The following GRID2 variants were observed in gnomAD, a reference collection of about 807,000 sequenced individuals.
GRID2 encodes the protein glutamate ionotropic receptor delta type subunit 2.
GRID2 carries 33 observed loss-of-function variants against 114.8 expected under a neutral mutation model. The observed-to-expected ratio is 0.29, with a 90% CI of 0.22 to 0.38. GRID2 has a LOEUF of 0.38. GRID2 is among the 10% of genes least tolerant of loss of function. The probability of loss-of-function intolerance (pLI) is 1.00; values close to 1 mark genes in which losing one functional copy is unlikely to be tolerated. For missense variants in GRID2, 1,184 were observed against 1,257.7 expected, an observed-to-expected ratio of 0.94 and a Z score of 0.89; for synonymous variants, 505 against 449.9, an observed-to-expected ratio of 1.12 and a Z score of -1.55.
intron 1 of GRID2, among the ~76,000 whole-genome samples, chr4:92,450,379 A>G (rs1720837571): frequency 6.6e-6 from 1 of 152,052 alleles, no homozygotes; most frequent in Non-Finnish European, 1.5e-5. Flanking sequence ...TAGAAATCAA[A>G]TGATAAGACC....
intron 13 of GRID2, among the ~76,000 whole-genome samples, chr4:93,528,582 T>C (rs1731151244): frequency 6.6e-6 from 1 of 152,140 alleles, no homozygotes; most frequent in Non-Finnish European, 1.5e-5. Flanking sequence ...TTCTTCACAT[T>C]ATGCTCCAAT....
At chr4:92,679,184 C>A (rs986576476) in intron 2 of GRID2, among the ~76,000 whole-genome samples, 3 of 151,952 alleles carry the variant, frequency 2.0e-5, no homozygotes, top group Admixed American at 6.6e-5. Context: ...AAATTAAAAT[C>A]GTTGTACTGA....
chr4:92,654,131 G>A (rs1252115958), intron 2 of GRID2, among the ~76,000 whole-genome samples: 2 of 151,928 alleles, frequency 1.3e-5, no homozygotes, highest in East Asian at 3.9e-4. Flanking sequence ...AGACTGTGTG[G>A]CTTAAGCAAC....
At chr4:92,613,873 G>C (rs556596901) in intron 2 of GRID2, among the ~76,000 whole-genome samples, 2 of 150,066 alleles carry the variant, frequency 1.3e-5, no homozygotes, top group East Asian at 3.9e-4. Flanking sequence ...CCTTACTTCT[G>C]TTTAATTTGT....
intron 2 of GRID2, among the ~76,000 whole-genome samples, chr4:92,952,390 T>A (rs1371016832): frequency 1.3e-5 from 2 of 152,216 alleles, no homozygotes. Context: ...TCTATGAGAT[T>A]GCTTTATTCT....
chr4:92,329,491 G>C (rs1476672850), intron 1 of GRID2, among the ~76,000 whole-genome samples: 2 of 151,964 alleles, frequency 1.3e-5, no homozygotes, highest in African/African-American at 4.8e-5. Flanking sequence ...TCATTTGTAA[G>C]ATAAAATTGG....
chr4:92,577,663 T>C (rs1247321143), intron 1 of GRID2, among the ~76,000 whole-genome samples: 2 of 152,114 alleles, frequency 1.3e-5, no homozygotes, highest in African/African-American at 4.8e-5. Context: ...AAATCTCCAG[T>C]TGAAAGGACT....
chr4:92,696,599 A>G (rs1268053475), intron 2 of GRID2, among the ~76,000 whole-genome samples: 5 of 152,152 alleles, frequency 3.3e-5, no homozygotes, highest in Admixed American at 3.3e-4. Flanking sequence ...AAAGTCACCC[A>G]AATTTGAGCC....
intron 2 of GRID2, among the ~76,000 whole-genome samples, chr4:92,801,934 C>A (rs1740191630): frequency 6.6e-6 from 1 of 151,708 alleles, no homozygotes; most frequent in Non-Finnish European, 1.5e-5. Flanking sequence ...CATACCTGGG[C>A]AATCCATCTC....
chr4:93,399,018 C>T (rs561519369), intron 9 of GRID2, among the ~76,000 whole-genome samples: 10 of 151,980 alleles, frequency 6.6e-5, no homozygotes, highest in African/African-American at 2.4e-4. Flanking sequence ...ACCACTCTCC[C>T]CTCACCCCAC....
chr4:92,585,744 G>A (rs12508369), intron 1 of GRID2, among the ~76,000 whole-genome samples: 57,556 of 151,430 alleles, frequency 0.38, 10,945 homozygotes, highest in Middle Eastern at 0.47. Context: ...GGTAAATAAT[G>A]TTTACTCCAC....
chr4:92,514,832 C>T (rs1381839251), intron 1 of GRID2, among the ~76,000 whole-genome samples: 1 of 151,896 alleles, frequency 6.6e-6, no homozygotes, highest in Non-Finnish European at 1.5e-5. Flanking sequence ...GCCTGCCAGA[C>T]TCCTTTGATC....
chr4:93,619,154 A>G (rs1488361712), intron 13 of GRID2, among the ~76,000 whole-genome samples: 2 of 152,248 alleles, frequency 1.3e-5, no homozygotes, highest in African/African-American at 2.4e-5. Context: ...ACAAAATAAC[A>G]GATAAATTAT....
chr4:92,575,393 C>T (rs1727835695), intron 1 of GRID2, among the ~76,000 whole-genome samples: 1 of 152,182 alleles, frequency 6.6e-6, no homozygotes, highest in Non-Finnish European at 1.5e-5. Flanking sequence ...AAAAGGGACA[C>T]TCTGGCTTTG....
At chr4:93,270,693 A>G (rs994844799) in intron 8 of GRID2, among the ~76,000 whole-genome samples, 7 of 152,044 alleles carry the variant, frequency 4.6e-5, no homozygotes, top group Non-Finnish European at 1.0e-4. Context: ...CAGTGGCACA[A>G]TTTCGGCTCA....
chr4:93,139,746 A>ACG (rs1735587265), intron 4 of GRID2, among the ~76,000 whole-genome samples: 1 of 151,790 alleles, frequency 6.6e-6, no homozygotes, highest in South Asian at 2.1e-4. Context: ...ACACACACAC[A>ACG]CACACACACA....
At chr4:92,822,018 G>A (rs1578238961) in intron 2 of GRID2, 1 of 179,194 alleles carries the variant, frequency 5.6e-6, no homozygotes, top group Non-Finnish European at 1.2e-5. Context: ...TGCCACACTT[G>A]CACCAGATTG....
intron 14 of GRID2, among the ~76,000 whole-genome samples, chr4:93,676,969 A>G (rs1724933652): frequency 1.3e-5 from 2 of 152,088 alleles, no homozygotes; most frequent in South Asian, 4.1e-4. Context: ...CCGAAGCAGG[A>G]CGAGGCATTG....
intron 2 of GRID2, among the ~76,000 whole-genome samples, chr4:92,865,591 C>A (rs1744800742): frequency 6.6e-6 from 1 of 152,102 alleles, no homozygotes; most frequent in Non-Finnish European, 1.5e-5. Flanking sequence ...TCCCTTCAGG[C>A]TAAAGTGGTG....
Sources: allele counts gnomAD v4.1 joint callset (sites outside exome capture counted in the v4.1 genomes callset), GRCh38; gene constraint gnomAD v4.1.1; transcripts MANE v1.5; gene names NCBI Gene and HGNC (gene_info 2026-07-23, HGNC 2026-07-21).